The following EML5 variants were observed in gnomAD, a reference collection of about 807,000 sequenced individuals.
The protein encoded by EML5 is EMAP like 5.
A neutral mutation model predicts 250.0 loss-of-function variants in EML5; 120 were observed. The observed-to-expected ratio is 0.48, with a 90% CI of 0.41 to 0.56. EML5 has a LOEUF of 0.56. EML5 is among the 20% of genes least tolerant of loss of function. The pLI is 0.00. For synonymous variants in EML5, 771 were observed against 806.5 expected (o/e 0.96, Z 0.75); for missense variants, 2,006 against 2,437.6 (o/e 0.82, Z 3.73).
At chr14:88,778,493 G>C (rs1423898186) in intron 1 of EML5, among the ~76,000 whole-genome samples, 1 of 152,042 alleles carries the variant, frequency 6.6e-6, no homozygotes, top group African/African-American at 2.4e-5. Context: ...TTAAGAAGTG[G>C]TAAGTGGCTG....
intron 5 of EML5, 103 bp downstream of exon 5, chr14:88,740,284 A>G: frequency 1.0e-6 from 1 of 988,966 alleles, no homozygotes; most frequent in Non-Finnish European, 1.4e-6. Flanking sequence ...TTTTCAAGCA[A>G]CCAAACTGAC....
intron 8 of EML5, among the ~76,000 whole-genome samples, chr14:88,719,080 T>C (rs1225158783): frequency 6.6e-6 from 1 of 152,148 alleles, no homozygotes; most frequent in Non-Finnish European, 1.5e-5. Flanking sequence ...GGCTAGCCAT[T>C]GGTAGAATCT....
chr14:88,687,450 A>T, intron 18 of EML5, 123 bp from the exon 19 acceptor site: 1 of 661,416 alleles, frequency 1.5e-6, no homozygotes, highest in Non-Finnish European at 2.5e-6. Context: ...CTTGTAAAGA[A>T]CAGGAATTAG....
At chr14:88,715,224 TGAACA>T (rs1440451044) in intron 8 of EML5, 29 bp from the exon 9 acceptor site, 1 of 1,542,472 alleles carries the variant, frequency 6.5e-7, no homozygotes, top group Admixed American at 2.0e-5. Flanking sequence ...TGAGACTACA[TGAACA>T]GAAGTCACAA....
At chr14:88,677,841 G>A (rs189985655) in intron 21 of EML5, among the ~76,000 whole-genome samples, 2 of 152,314 alleles carry the variant, frequency 1.3e-5, no homozygotes, top group African/African-American at 2.4e-5. Flanking sequence ...CTTTTACTCT[G>A]TTGGTGTGAA....
chr14:88,757,630 T>C (rs991928143), intron 1 of EML5, among the ~76,000 whole-genome samples: 1 of 152,054 alleles, frequency 6.6e-6, no homozygotes, highest in Admixed American at 6.6e-5. Flanking sequence ...AATAAAACTA[T>C]AAATAATCCA....
chr14:88,706,234 T>C, intron 11 of EML5, 25 bp downstream of exon 11: 1 of 1,538,930 alleles, frequency 6.5e-7, no homozygotes, highest in Non-Finnish European at 8.7e-7. Context: ...ACAGGGAAAC[T>C]GTTTAGCTAA....
chr14:88,649,504 T>C (rs1035518327), intron 28 of EML5, among the ~76,000 whole-genome samples: 25 of 152,218 alleles, frequency 1.6e-4, no homozygotes, highest in African/African-American at 5.1e-4. Flanking sequence ...AACATACAAA[T>C]ACCATAGTTA....
At chr14:88,623,716 G>A (rs2089470688) in intron 36 of EML5, 1 of 152,226 alleles carries the variant, frequency 6.6e-6, no homozygotes, top group African/African-American at 2.4e-5. Flanking sequence ...CTGGCCCAGA[G>A]CTTATTTTTG....
In EML5 at chr14:88,621,175, T is replaced by C. The variant is rs747054035; in HGVS notation, c.5140A>G (p.Arg1714Gly). The change falls in exon 38 of 44, where the codon AGG becomes GGG. Residue 1714 changes from arginine to glycine, a missense_variant. Arg to Gly is a moderately radical substitution (Grantham distance 125, BLOSUM62 -2). Transcript: ENST00000554922. ...TCTGCAGCAGAAAGGAAAAAATCCC[T>C]GGAAGGATGTGTTGCTAGTCCCCAG... ...PIWGLATHPS[R>G]DFFLSAAEDG... 5 of 1,613,944 alleles carry C rather than the reference T, an allele frequency of 3.1e-6. No individual in the cohort carries two copies. In the South Asian group the frequency reaches 4.4e-5, roughly 14 times the overall value.
At chr14:88,653,843 A>G (rs1489805382) in intron 27 of EML5, among the ~76,000 whole-genome samples, 5 of 151,916 alleles carry the variant, frequency 3.3e-5, no homozygotes, top group African/African-American at 1.2e-4. Flanking sequence ...CTCTTTTTCT[A>G]TTGTTTGGAA....
chr14:88,769,320 T>C (rs2094361021), intron 1 of EML5, among the ~76,000 whole-genome samples: 1 of 152,164 alleles, frequency 6.6e-6, no homozygotes, highest in East Asian at 1.9e-4. Flanking sequence ...CCTCGCTTCC[T>C]TCTACTCTAG....
chr14:88,634,346 T>C, intron 33 of EML5, 123 bp downstream of exon 33: 1 of 628,424 alleles, frequency 1.6e-6, no homozygotes, highest in Non-Finnish European at 2.6e-6. Context: ...ACATTTTCTT[T>C]GTAAATTACC....
At chr14:88,784,358 G>T (rs1308303373) in intron 1 of EML5, among the ~76,000 whole-genome samples, 1 of 148,858 alleles carries the variant, frequency 6.7e-6, no homozygotes, top group African/African-American at 2.5e-5. Flanking sequence ...ACAAAAAGTT[G>T]TTTTTTTTTA....
intron 1 of EML5, among the ~76,000 whole-genome samples, chr14:88,785,251 T>C (rs1566802224): frequency 6.6e-6 from 1 of 152,112 alleles, no homozygotes; most frequent in Non-Finnish European, 1.5e-5. Context: ...AGAGTTAGAA[T>C]GAATAAGACC....
At chr14:88,657,132 T>C (rs1469575614) in intron 27 of EML5, among the ~76,000 whole-genome samples, 1 of 152,124 alleles carries the variant, frequency 6.6e-6, no homozygotes, top group Non-Finnish European at 1.5e-5. Context: ...TAGCTGGGGC[T>C]ACAAACACAC....
At chr14:88,697,977 T>C (rs531694369) in intron 14 of EML5, among the ~76,000 whole-genome samples, 8 of 152,262 alleles carry the variant, frequency 5.3e-5, no homozygotes, top group Admixed American at 4.6e-4. Flanking sequence ...CCTCAGGTGA[T>C]CTGCCTGCCT....
At chr14:88,695,840 G>A (rs183656864) in intron 15 of EML5, among the ~76,000 whole-genome samples, 2 of 152,166 alleles carry the variant, frequency 1.3e-5, no homozygotes, top group East Asian at 3.9e-4. Context: ...AGAACTTTGA[G>A]TAATTATGAA....
chr14:88,622,704 C>T lies in EML5; in HGVS notation c.4913G>A (p.Gly1638Glu), dbSNP rs368112776. Residue 1638 changes from glycine to glutamate, a missense_variant, in exon 37 of 44, where the codon GGA (glycine) becomes GAA (glutamate). Coordinates refer to ENST00000554922, the MANE Select transcript of EML5 (RefSeq NM_183387.3). ...TTCCTGATCCCACAGTTTAACCGCT[C>T]CTCCTTCTTTTGACCTAAGTAAATA... ...GGKERPSKEG[G>E]AVKLWDQELR... is the part of the protein sequence containing the mutation. 2.8e-4 allele frequency: 455 copies of T among 1,606,816 alleles called. 7 individuals carry two copies. The South Asian group carries it at 4.2e-3, about 15-fold the overall frequency.
Sources: allele counts gnomAD v4.1 joint callset (sites outside exome capture counted in the v4.1 genomes callset), GRCh38; gene constraint gnomAD v4.1.1; transcripts MANE v1.5; gene names NCBI Gene and HGNC (gene_info 2026-07-23, HGNC 2026-07-21).